Variants in MGAT4A observed in about 807,000 individuals in gnomAD.
MGAT4A encodes N-acetylglucosaminyltransferase IVa.
Under a neutral mutation model 74.1 loss-of-function variants are expected in MGAT4A, and 33 were observed. The ratio of observed to expected loss-of-function variants is 0.45; its 90% CI spans 0.34 to 0.60. MGAT4A has a LOEUF of 0.60. Among genes scored for constraint, MGAT4A ranks in the 20% least tolerant of loss-of-function variants. MGAT4A has a pLI of 0.02. For synonymous variants in MGAT4A, 198 were observed against 210.4 expected (o/e 0.94, Z 0.51); for missense variants, 479 against 628.3 (o/e 0.76, Z 2.54).
chr2:98,686,252 T>C (rs1048714279), intron 2 of MGAT4A, among the ~76,000 whole-genome samples: 1 of 152,188 alleles, frequency 6.6e-6, no homozygotes, highest in Non-Finnish European at 1.5e-5. Context: ...GATCATACAC[T>C]TTATTTAAAT....
intron 2 of MGAT4A, among the ~76,000 whole-genome samples, chr2:98,682,825 G>A (rs1414842250): frequency 2.0e-5 from 3 of 152,160 alleles, no homozygotes; most frequent in Non-Finnish European, 2.9e-5. Flanking sequence ...GATGGCTCAC[G>A]CCTGTAATCC....
intron 2 of MGAT4A, among the ~76,000 whole-genome samples, chr2:98,711,071 C>A (rs151133170): frequency 6.6e-6 from 1 of 152,014 alleles, no homozygotes; most frequent in Non-Finnish European, 1.5e-5. Context: ...GAAAAAAACT[C>A]TAAGTGGCCT....
chr2:98,656,201 T>C (rs539319310), intron 7 of MGAT4A, 151 bp downstream of exon 7: 96 of 603,756 alleles, frequency 1.6e-4, no homozygotes, highest in Non-Finnish European at 2.6e-4. Context: ...AACTCTACAT[T>C]ATTTCCAAGC....
At chr2:98,666,992 T>C (rs1240761863) in intron 4 of MGAT4A, among the ~76,000 whole-genome samples, 1 of 151,936 alleles carries the variant, frequency 6.6e-6, no homozygotes, top group African/African-American at 2.4e-5. Context: ...CAGTGGGAGG[T>C]AATTGAATCA....
chr2:98,688,743 A>C (rs935565705), intron 2 of MGAT4A, among the ~76,000 whole-genome samples: 50 of 152,178 alleles, frequency 3.3e-4, no homozygotes, highest in African/African-American at 9.7e-5. Flanking sequence ...TCTCAAGATG[A>C]TAGTGTAGTC....
At chr2:98,675,260 G>C in intron 3 of MGAT4A, 85 bp from the exon 4 acceptor site, 1 of 949,736 alleles carries the variant, frequency 1.1e-6, no homozygotes, top group Non-Finnish European at 1.6e-6. Context: ...AAATTAATAA[G>C]AACTAGAACT....
intron 2 of MGAT4A, among the ~76,000 whole-genome samples, chr2:98,710,642 T>A (rs1702502588): frequency 6.6e-6 from 1 of 152,040 alleles, no homozygotes; most frequent in African/African-American, 2.4e-5. Flanking sequence ...GTATTTTTAG[T>A]ACAGATGGGG....
intron 2 of MGAT4A, among the ~76,000 whole-genome samples, chr2:98,717,847 G>A (rs889701558): frequency 3.3e-5 from 5 of 152,126 alleles, no homozygotes; most frequent in Admixed American, 6.5e-5. Flanking sequence ...CTGGCATGCC[G>A]AAGGCACTCA....
intron 2 of MGAT4A, among the ~76,000 whole-genome samples, chr2:98,681,798 G>T (rs1702064010): frequency 2.6e-5 from 4 of 152,034 alleles, no homozygotes. Flanking sequence ...AGTAAAAAAA[G>T]AGTTTTTTTA....
rs1701044330 is a variant in MGAT4A at position 98,620,401 on chromosome 2, A to C, written c.*5165T>G. On this transcript the variant is annotated 3_prime_UTR_variant, in exon 16 of 16. Transcript: ENST00000393487. Reference sequence around the variant, plus strand: ...CTTAAAACACTAAGGTATGGTTATGACTCACATTTCTCATCTTCTGACAGT... The same window carrying C: ...CTTAAAACACTAAGGTATGGTTATGCCTCACATTTCTCATCTTCTGACAGT... 6.6e-6 allele frequency: 1 copy of C among 152,092 alleles called. No homozygotes were observed. The highest frequency in any genetic ancestry group is 1.5e-5 in the Non-Finnish European group (1 of 68,016). The allele number at this position is 152,092 out of a possible 1,614,324, so 9.4% of individuals were successfully genotyped here.
intron 4 of MGAT4A, among the ~76,000 whole-genome samples, chr2:98,671,779 AG>A (rs1701914319): frequency 6.6e-6 from 1 of 151,756 alleles, no homozygotes; most frequent in South Asian, 2.1e-4. Context: ...TGGATTAGCT[AG>A]TGGGCCCAAT....
chr2:98,722,179 C>T (rs962099288), intron 2 of MGAT4A, among the ~76,000 whole-genome samples: 1 of 152,196 alleles, frequency 6.6e-6, no homozygotes, highest in Non-Finnish European at 1.5e-5. Flanking sequence ...AAACACATGT[C>T]CACACAGAAA....
At chr2:98,713,820 C>T (rs1158793975) in intron 2 of MGAT4A, among the ~76,000 whole-genome samples, 1 of 152,000 alleles carries the variant, frequency 6.6e-6, no homozygotes, top group African/African-American at 2.4e-5. Flanking sequence ...ATGGGAGAAA[C>T]CCAAAACAGA....
chr2:98,633,295 G>A (rs1479999527), intron 14 of MGAT4A, among the ~76,000 whole-genome samples: 2 of 152,170 alleles, frequency 1.3e-5, no homozygotes, highest in South Asian at 4.1e-4. Flanking sequence ...AAGCTGGCAG[G>A]AGAGTCCAGT....
chr2:98,628,842 A>T (rs1701183773), intron 14 of MGAT4A, among the ~76,000 whole-genome samples: 1 of 152,140 alleles, frequency 6.6e-6, no homozygotes, highest in South Asian at 2.1e-4. Flanking sequence ...TAAATGCATC[A>T]TTGTGATCTG....
intron 2 of MGAT4A, among the ~76,000 whole-genome samples, chr2:98,682,788 T>C (rs1244978665): frequency 2.0e-5 from 3 of 151,990 alleles, no homozygotes; most frequent in Non-Finnish European, 4.4e-5. Flanking sequence ...TGGGGGATTA[T>C]GTATAAAACA....
In MGAT4A at chr2:98,639,800, T is replaced by A. The variant is rs772348636; in HGVS notation, c.1322+8A>T. The A allele has an allele frequency of 2.5e-6, 4 of 1,598,780 alleles. No homozygotes were observed. The highest frequency in any genetic ancestry group is 3.4e-6 in the Non-Finnish European group (4 of 1,170,106). ...TGTAAGATCACATACATTTCAATAATCACCAACCTTTCTACATTGACTGGT... is the reference window on the plus strand; with the variant it reads ...TGTAAGATCACATACATTTCAATAAACACCAACCTTTCTACATTGACTGGT... On this transcript the variant is annotated splice_region_variant and intron_variant, in intron 12 of 15. Transcript: ENST00000393487.
chr2:98,630,468 T>A (rs898969625), intron 14 of MGAT4A, among the ~76,000 whole-genome samples: 16 of 151,874 alleles, frequency 1.1e-4, no homozygotes, highest in Non-Finnish European at 1.8e-4. Context: ...GAAGAGAAGC[T>A]ATTAGGGTAT....
intron 2 of MGAT4A, among the ~76,000 whole-genome samples, chr2:98,705,956 A>G (rs1411561390): frequency 1.9e-4 from 28 of 150,508 alleles, no homozygotes; most frequent in Non-Finnish European, 8.9e-5. Context: ...CTCAAAAAAA[A>G]AAAAAAAAAA....
Sources: allele counts gnomAD v4.1 joint callset (sites outside exome capture counted in the v4.1 genomes callset), GRCh38; gene constraint gnomAD v4.1.1; transcripts MANE v1.5; gene names NCBI Gene and HGNC (gene_info 2026-07-23, HGNC 2026-07-21).